Variants in FNTB observed in about 807,000 individuals in gnomAD.
FNTB encodes the protein farnesyltransferase, CAAX box, subunit beta.
Under a neutral mutation model 59.4 loss-of-function variants are expected in FNTB, and 27 were observed. The ratio of observed to expected loss-of-function variants is 0.45; its 90% confidence interval spans 0.34 to 0.63. FNTB has a LOEUF of 0.63. Ranked by LOEUF, FNTB falls within the 20% of genes least tolerant of loss-of-function variation. The pLI is 0.02. For missense variants in FNTB, 449 were observed against 559.6 expected, an observed-to-expected ratio of 0.80 and a Z score of 1.99; for synonymous variants, 230 against 220.7, an observed-to-expected ratio of 1.04 and a Z score of -0.37.
intron 1 of FNTB, among the ~76,000 whole-genome samples, chr14:65,000,978 A>T (rs996078516): frequency 6.6e-6 from 1 of 152,178 alleles, no homozygotes; most frequent in African/African-American, 2.4e-5. Context: ...CAGGAACATG[A>T]AGATAATGGA....
chr14:65,010,461 A>G (rs2061665709), intron 2 of FNTB, among the ~76,000 whole-genome samples: 1 of 152,140 alleles, frequency 6.6e-6, no homozygotes, highest in East Asian at 1.9e-4. Flanking sequence ...CCTAAGACCC[A>G]CACATCCAAA....
At chr14:64,995,666 A>G (rs1888363869) in intron 1 of FNTB, among the ~76,000 whole-genome samples, 1 of 150,772 alleles carries the variant, frequency 6.6e-6, no homozygotes, top group Non-Finnish European at 1.5e-5. Context: ...AAGTTGATAC[A>G]TACTTAGTTT....
At position 64,986,928 on chromosome 14, in the gene FNTB, A is replaced by C. The variant is rs1441185108; in HGVS notation, c.-26A>C. Reference sequence around the variant, plus strand: ...TTGTTGCTTAACGAAGCAGAGTCCTACACACTGTCTGCTGCTCTCCTGATC... The same window carrying C: ...TTGTTGCTTAACGAAGCAGAGTCCTCCACACTGTCTGCTGCTCTCCTGATC... On this transcript the variant is annotated 5_prime_UTR_variant, in exon 1 of 12. Transcript: ENST00000246166. The C allele has an allele frequency of 1.2e-6, 2 of 1,613,720 alleles. No homozygotes were observed. Among genetic ancestry groups the C allele is most frequent in the Admixed American group, 1.7e-5 (1 of 60,028 alleles).
At chr14:65,025,917 T>A (rs1566551422) in intron 4 of FNTB, among the ~76,000 whole-genome samples, 1 of 152,234 alleles carries the variant, frequency 6.6e-6, no homozygotes, top group African/African-American at 2.4e-5. Flanking sequence ...AAGAAGTATG[T>A]GTTGTTTTAA....
At chr14:65,004,374 T>C (rs2061549972) in intron 2 of FNTB, 61 bp downstream of exon 2, 5 of 1,553,526 alleles carry the variant, frequency 3.2e-6, no homozygotes, top group Non-Finnish European at 4.4e-6. Context: ...GCAGCCTTTC[T>C]TCTTTCCTCC....
rs566397657 is a variant in FNTB, at chr14:65,047,072, A to G, written c.955+2629A>G. 7.2e-5 allele frequency among the ~76,000 whole-genome samples: 11 copies of G among 152,356 alleles called. No homozygotes were observed. In the South Asian group the frequency reaches 2.3e-3, roughly 32 times the overall value. On this transcript the variant is annotated intron_variant, in intron 9 of 11. Coordinates refer to ENST00000246166, the MANE Select transcript of FNTB (RefSeq NM_002028.4). The surrounding 1 kb of genome is among the most constrained non-coding windows in gnomAD (Gnocchi z 5.2). ...TGGATGGACAACCCAACTGAAAAAC[A>G]GGCAAAGGATCTGAAGAAAGAGGTC... is the stretch of plus-strand genomic sequence containing the variant.
chr14:65,011,423 C>T lies in FNTB; in HGVS notation c.210-894C>T, dbSNP rs1003544305. On this transcript the variant is annotated intron_variant, in intron 2 of 11. Transcript: ENST00000246166. This position sits in a 1 kb window ranked among gnomAD's most constrained non-coding sequence, Gnocchi z 4.0. ...CAGCCTGGGTGACAGAGCGAGACTC[C>T]GTCTCAGGAAAAAAAAAAAAAAAAA... 3.0e-5 allele frequency among the ~76,000 whole-genome samples: 4 copies of T among 133,730 alleles called. No individual in the cohort carries two copies. The highest frequency in any genetic ancestry group is 1.5e-4 in the Admixed American group (2 of 12,904). 87.7% of individuals were successfully genotyped at this position (133,730 alleles called of 152,430 possible).
At chr14:65,041,609 C>G (rs1310007778) in intron 8 of FNTB, among the ~76,000 whole-genome samples, 3 of 152,198 alleles carry the variant, frequency 2.0e-5, no homozygotes, top group African/African-American at 7.2e-5. Context: ...ACCTCCTCTC[C>G]CTGAGTTCAG....
In FNTB at chr14:65,009,862, T is replaced by C. The variant is rs1413625808; in HGVS notation, c.210-2455T>C. 6.6e-6 allele frequency among the ~76,000 whole-genome samples: 1 copy of C among 152,162 alleles called. No homozygotes were observed. The highest frequency in any genetic ancestry group is 1.5e-5 in the Non-Finnish European group (1 of 68,020). On this transcript the variant is annotated intron_variant, in intron 2 of 11. Coordinates refer to ENST00000246166, the MANE Select transcript of FNTB (RefSeq NM_002028.4). The surrounding 1 kb of genome is among the most constrained non-coding windows in gnomAD (Gnocchi z 4.2). ...TTCCCGTGGCTGATCACAGCGTTTA[T>C]TGGACAGGGCTCTGCTTGTCATTTT...
At chr14:65,056,641 A>T (rs185288000) in intron 11 of FNTB, among the ~76,000 whole-genome samples, 1 of 152,256 alleles carries the variant, frequency 6.6e-6, no homozygotes, top group Admixed American at 6.5e-5. Flanking sequence ...ATTGTCTGCC[A>T]GTTCATATTC....
At chr14:65,010,495 A>G (rs1323079692) in intron 2 of FNTB, among the ~76,000 whole-genome samples, 1 of 152,218 alleles carries the variant, frequency 6.6e-6, no homozygotes, top group Non-Finnish European at 1.5e-5. Flanking sequence ...CGGGTCACAC[A>G]CTAGTTCGGG....
At position 65,032,503 on chromosome 14, in the gene FNTB, G is replaced by A; in HGVS notation, c.606-107G>A. ...CCGTGTGCCAAGAGTGAGGACAGGA[G>A]GTGATTACAGCTTACTAGGCAAGGC... On this transcript the variant is annotated intron_variant, in intron 6 of 11. Coordinates refer to ENST00000246166, the MANE Select transcript of FNTB (RefSeq NM_002028.4). This position sits in a 1 kb window ranked among gnomAD's most constrained non-coding sequence, Gnocchi z 5.0. 1 of 1,183,456 alleles carries A rather than the reference G, an allele frequency of 8.4e-7. No homozygotes were observed. Among genetic ancestry groups the A allele is most frequent in the Non-Finnish European group, 1.2e-6 (1 of 853,094 alleles). The allele number at this position is 1,183,456 out of a possible 1,614,324, so 73.3% of individuals were successfully genotyped here.
Position 65,039,938 on chromosome 14 carries a change from C to T in FNTB, c.693-852C>T, listed in dbSNP as rs2062307754. Among the ~76,000 whole-genome samples the T allele has an allele frequency of 2.0e-5, 3 of 152,132 alleles. No homozygotes were observed. In the South Asian group the frequency reaches 6.2e-4, roughly 32 times the overall value. ...GTGCGGTGGCCCATGCCTGTCATCC[C>T]AACGCTTTGGGATGCTGGGGTGGGA... On this transcript the variant is annotated intron_variant, in intron 7 of 11. Coordinates refer to ENST00000246166, the MANE Select transcript of FNTB (RefSeq NM_002028.4).
chr14:65,037,741 ATTATTTATTTATTTATTTATTTATTTAT>A (rs201126999), intron 7 of FNTB, among the ~76,000 whole-genome samples: 3 of 132,718 alleles, frequency 2.3e-5, no homozygotes, highest in African/African-American at 8.7e-5. Flanking sequence ...TTATTTATTT[ATTATTTATTTATTTATTTATTTATTTAT>A]TTATTTATTT....
chr14:64,995,991 C>T (rs1374942433), intron 1 of FNTB, among the ~76,000 whole-genome samples: 3 of 151,536 alleles, frequency 2.0e-5, no homozygotes, highest in African/African-American at 7.3e-5. Flanking sequence ...GGCCTGGTGG[C>T]AGGCACCTGT....
intron 11 of FNTB, among the ~76,000 whole-genome samples, 184 bp from the exon 12 acceptor site, chr14:65,060,997 A>G (rs1361745743): frequency 2.6e-5 from 4 of 151,770 alleles, no homozygotes; most frequent in Non-Finnish European, 5.9e-5. Flanking sequence ...ATGGCTGTAT[A>G]TTAACCTGTG....
chr14:65,024,174 C>A (rs1283965962), intron 4 of FNTB, among the ~76,000 whole-genome samples: 1 of 151,820 alleles, frequency 6.6e-6, no homozygotes, highest in African/African-American at 2.4e-5. Flanking sequence ...TTAGCAAGAT[C>A]CACAGGTAAT....
In FNTB at chr14:65,054,779, C is replaced by A; in HGVS notation, c.1182+90C>A. 2.2e-6 allele frequency: 3 copies of A among 1,375,980 alleles called. No individual in the cohort carries two copies. Among genetic ancestry groups the A allele is most frequent in the Non-Finnish European group, 3.0e-6 (3 of 999,434 alleles). 85.2% of individuals were successfully genotyped at this position (1,375,980 alleles called of 1,614,324 possible). A position where few individuals can be genotyped will look rare whatever the true frequency, so the allele number is the denominator to read the frequency against. On this transcript the variant is annotated intron_variant, in intron 11 of 11. Coordinates refer to ENST00000246166, the MANE Select transcript of FNTB (RefSeq NM_002028.4). The surrounding 1 kb of genome is among the most constrained non-coding windows in gnomAD (Gnocchi z 4.4). ...AGTAAGCAGAACTGGCTCTGCATTT[C>A]CTGTGTGGACAGGCGGAAGCTTGTG... is the stretch of plus-strand genomic sequence containing the variant.
At chr14:65,048,928 C>T (rs2062547290) in intron 9 of FNTB, among the ~76,000 whole-genome samples, 1 of 152,040 alleles carries the variant, frequency 6.6e-6, no homozygotes, top group African/African-American at 2.4e-5. Flanking sequence ...AGTTCAAGAC[C>T]AGCCTGGCCA....
Sources: gnomAD v4.1 joint callset for allele counts (sites outside exome capture counted in the v4.1 genomes callset) on GRCh38, gnomAD v4.1.1 for gene constraint, Gnocchi (gnomAD v3.1) non-coding constraint, MANE v1.5 for transcripts, NCBI Gene and HGNC (gene_info 2026-07-23, HGNC 2026-07-21) for gene names.